Variants in KCNJ6 observed in about 807,000 individuals in gnomAD.
KCNJ6 encodes the protein potassium inwardly rectifying channel subfamily J member 6, also known as G protein-activated inward rectifier potassium channel 2.
A neutral mutation model predicts 34.2 loss-of-function variants in KCNJ6; 9 were observed. The ratio of observed to expected loss-of-function variants is 0.26; its 90% CI spans 0.16 to 0.46. KCNJ6 has a LOEUF of 0.46. Ranked by LOEUF, KCNJ6 falls within the 20% of genes least tolerant of loss-of-function variation. The pLI is 1.00. For synonymous variants in KCNJ6, 196 were observed against 207.1 expected (o/e 0.95, Z 0.46); for missense variants, 236 against 531.3 (o/e 0.44, Z 5.46).
At chr21:37,629,437 C>T (rs953142005) in intron 3 of KCNJ6, among the ~76,000 whole-genome samples, 10 of 152,000 alleles carry the variant, frequency 6.6e-5, no homozygotes, top group African/African-American at 9.7e-5. Flanking sequence ...TCCTAATCTC[C>T]GGTATTTCAG....
intron 3 of KCNJ6, among the ~76,000 whole-genome samples, chr21:37,646,705 C>T (rs1450946391): frequency 2.1e-5 from 3 of 140,518 alleles, no homozygotes; most frequent in African/African-American, 5.5e-5. Context: ...GGAGTTGGCT[C>T]TGTCGCCCAG....
At chr21:37,773,820 T>C (rs1314748282) in intron 2 of KCNJ6, among the ~76,000 whole-genome samples, 1 of 152,268 alleles carries the variant, frequency 6.6e-6, no homozygotes, top group East Asian at 1.9e-4. Flanking sequence ...TCATGAATTT[T>C]TGAAGATCCG....
chr21:37,678,291 A>G (rs984525006), intron 3 of KCNJ6, among the ~76,000 whole-genome samples: 1 of 152,246 alleles, frequency 6.6e-6, no homozygotes, highest in Non-Finnish European at 1.5e-5. Flanking sequence ...GTAAGGTAGC[A>G]TTGTAAAAGG....
Position 37,675,163 on chromosome 21 carries a change from A to G in KCNJ6, c.946+39048T>C, listed in dbSNP as rs1424077650. Among the ~76,000 whole-genome samples, 2 of 152,184 alleles carry G rather than the reference A, an allele frequency of 1.3e-5. No individual in the cohort carries two copies. The highest frequency in any genetic ancestry group is 1.3e-4 in the Admixed American group (2 of 15,282). On this transcript the variant is annotated intron_variant, in intron 3 of 3. Transcript: ENST00000609713. The surrounding 1 kb of genome is among the most constrained non-coding windows in gnomAD (Gnocchi z 4.2). ...TGAGCTTTCTTTTATTTAATGTGAT[A>G]TTCCCAGCGTCTGGCAATGTAGCAG...
intron 3 of KCNJ6, among the ~76,000 whole-genome samples, chr21:37,694,483 C>G (rs1450346158): frequency 6.6e-6 from 1 of 152,214 alleles, no homozygotes; most frequent in Admixed American, 6.5e-5. Flanking sequence ...CCTTACATAA[C>G]TTTAGATAAA....
At chr21:37,725,063 T>G (rs544396767) in intron 2 of KCNJ6, among the ~76,000 whole-genome samples, 22 of 152,068 alleles carry the variant, frequency 1.4e-4, no homozygotes, top group Non-Finnish European at 3.1e-4. Flanking sequence ...AGGAAAAATA[T>G]TTACAACACG....
chr21:37,872,886 C>A (rs543184032), intron 1 of KCNJ6, among the ~76,000 whole-genome samples: 4 of 152,170 alleles, frequency 2.6e-5, no homozygotes, highest in Non-Finnish European at 4.4e-5. Context: ...GTTTTATGAG[C>A]ATCTGACATT....
intron 2 of KCNJ6, among the ~76,000 whole-genome samples, chr21:37,794,321 C>T (rs2055230802): frequency 6.6e-6 from 1 of 152,218 alleles, no homozygotes; most frequent in Non-Finnish European, 1.5e-5. Flanking sequence ...AGATCTTCCA[C>T]TTCTTAGCTG....
intron 1 of KCNJ6, among the ~76,000 whole-genome samples, chr21:37,895,629 T>C (rs1277293653): frequency 2.0e-5 from 3 of 152,156 alleles, no homozygotes; most frequent in Non-Finnish European, 4.4e-5. Context: ...GAGGCAGACT[T>C]TCCCATTAAC....
At position 37,665,827 on chromosome 21, in the gene KCNJ6, G is replaced by C. The variant is rs185372743; in HGVS notation, c.947-40343C>G. Among the ~76,000 whole-genome samples the C allele has an allele frequency of 3.3e-5, 5 of 152,342 alleles. No individual in the cohort carries two copies. The East Asian group carries it at 9.7e-4, about 29-fold the overall frequency. On this transcript the variant is annotated intron_variant, in intron 3 of 3. Coordinates refer to ENST00000609713, the MANE Select transcript of KCNJ6 (RefSeq NM_002240.5). ...TATCTCGACAGAGAGTTGGACAGCA[G>C]CTGAGGGTGATGTGTGAGCTGGTGC...
rs575915747 is a variant in KCNJ6, at chr21:37,823,644, G to A, written c.25+17014C>T. Among the ~76,000 whole-genome samples the A allele has an allele frequency of 3.3e-5, 5 of 152,312 alleles. 1 individual carries two copies. Among genetic ancestry groups the A allele is most frequent in the African/African-American group, 9.6e-5 (4 of 41,566 alleles). ...CTGCCGCCATGTGAAGAAGGTGCCT[G>A]GTTCCCCTTTCGCCATGATTGTAAG... On this transcript the variant is annotated intron_variant, in intron 2 of 3. Coordinates refer to ENST00000609713, the MANE Select transcript of KCNJ6 (RefSeq NM_002240.5).
intron 1 of KCNJ6, among the ~76,000 whole-genome samples, chr21:37,857,970 AG>A (rs1368019607): frequency 6.6e-6 from 1 of 152,236 alleles, no homozygotes; most frequent in African/African-American, 2.4e-5. Context: ...CAAAATAAAA[AG>A]AAAATAAATA....
At chr21:37,719,762 T>TGAAA (rs2054814528) in intron 2 of KCNJ6, among the ~76,000 whole-genome samples, 1 of 152,196 alleles carries the variant, frequency 6.6e-6, no homozygotes, top group Admixed American at 6.5e-5. Flanking sequence ...AAATTTAATC[T>TGAAA]GAAAGAAATA....
intron 3 of KCNJ6, among the ~76,000 whole-genome samples, chr21:37,683,491 CTTT>C: frequency 6.6e-6 from 1 of 152,350 alleles, no homozygotes; most frequent in Admixed American, 6.5e-5. Context: ...TCTCTTCCTT[CTTT>C]AAGCCCACTG....
intron 2 of KCNJ6, among the ~76,000 whole-genome samples, chr21:37,799,806 C>G (rs2055260731): frequency 6.6e-6 from 1 of 152,084 alleles, no homozygotes; most frequent in Admixed American, 6.5e-5. Context: ...GGGCATCTTC[C>G]CAGAAGCCCT....
At position 37,607,542 on chromosome 21, in the gene KCNJ6, C is replaced by T. The variant is rs928518678; in HGVS notation, c.*17617G>A. ...GTGATTTCTCAATACATAATTTGTG[C>T]TTTCGCATTGAGCATGCTTTCGTCT... On this transcript the variant is annotated 3_prime_UTR_variant, in exon 4 of 4. Coordinates refer to ENST00000609713, the MANE Select transcript of KCNJ6 (RefSeq NM_002240.5). The T allele has an allele frequency of 8.9e-5, 13 of 145,842 alleles. No homozygotes were observed. Among genetic ancestry groups the T allele is most frequent in the African/African-American group, 2.8e-4 (11 of 39,256 alleles). 9.0% of individuals were successfully genotyped at this position (145,842 alleles called of 1,614,324 possible).
intron 3 of KCNJ6, among the ~76,000 whole-genome samples, chr21:37,712,683 C>T (rs1260580752): frequency 3.1e-5 from 3 of 97,334 alleles, no homozygotes; most frequent in African/African-American, 1.2e-4. Context: ...TCCCTCCTTC[C>T]TCCCCTTCTC....
chr21:37,742,437 TTTG>T (rs760460674), intron 2 of KCNJ6, among the ~76,000 whole-genome samples: 7 of 152,238 alleles, frequency 4.6e-5, no homozygotes, highest in African/African-American at 1.4e-4. Context: ...AACTGTTTTT[TTTG>T]TTGTTGTTGT....
intron 2 of KCNJ6, among the ~76,000 whole-genome samples, chr21:37,750,370 C>T (rs148408774): frequency 0.26 from 39,697 of 152,026 alleles, 5,579 homozygotes; most frequent in East Asian, 0.51. Flanking sequence ...CCAGCAATCC[C>T]ATTACTGGGT....
Sources: allele counts gnomAD v4.1 joint callset (sites outside exome capture counted in the v4.1 genomes callset), GRCh38; gene constraint gnomAD v4.1.1; non-coding constraint Gnocchi (gnomAD v3.1); transcripts MANE v1.5; gene names NCBI Gene and HGNC (gene_info 2026-07-23, HGNC 2026-07-21).